Variants in ZKSCAN8 observed in about 807,000 individuals in gnomAD.
ZKSCAN8 encodes the protein zinc finger protein with KRAB and SCAN domains 8.
Under a neutral mutation model 57.2 loss-of-function variants are expected in ZKSCAN8, and 27 were observed. The ratio of observed to expected loss-of-function variants is 0.47; its 90% CI spans 0.35 to 0.65. The LOEUF (loss-of-function observed/expected upper bound fraction) is 0.65, where lower values mean the gene tolerates loss of function less well. Among genes scored for constraint, ZKSCAN8 ranks in the 30% least tolerant of loss-of-function variants. The pLI is 0.01. For missense variants in ZKSCAN8, 597 were observed against 696.3 expected, an observed-to-expected ratio of 0.86 and a Z score of 1.60; for synonymous variants, 214 against 248.7, an observed-to-expected ratio of 0.86 and a Z score of 1.31.
chr6:28,147,277 TATTAGTC>T (rs1197550133), intron 1 of ZKSCAN8, among the ~76,000 whole-genome samples: 3 of 152,040 alleles, frequency 2.0e-5, no homozygotes, highest in African/African-American at 4.8e-5. Flanking sequence ...TGCTCAACAT[TATTAGTC>T]AGTAGAGAAA....
At position 28,154,225 on chromosome 6, in the gene ZKSCAN8, T is replaced by C. The variant is rs914560795; in HGVS notation, c.*208T>C. 1.8e-5 allele frequency: 11 copies of C among 602,774 alleles called. No homozygotes were observed. The Admixed American group carries it at 2.1e-4, about 11-fold the overall frequency. 37.3% of individuals were successfully genotyped at this position (602,774 alleles called of 1,614,324 possible). On this transcript the variant is annotated 3_prime_UTR_variant, in exon 6 of 6. Transcript: ENST00000330236. ...TAGCTTGACTGTCTTTGAAAGTATC[T>C]GATGGAGCTCCTGATGACCTAATGT...
Position 28,149,614 on chromosome 6 carries a change from A to G in ZKSCAN8, c.549A>G (p.Ser183=). The G allele has an allele frequency of 6.2e-7, 1 of 1,613,978 alleles. No individual in the cohort carries two copies. The highest frequency in any genetic ancestry group is 2.2e-5 in the East Asian group (1 of 44,862). Reference sequence around the variant, plus strand: ...ATAAATCTCCAGTGCCCCAAGAGTCACAAGAGAGAGGTGAGTAGCCAGATT... The same window carrying G: ...ATAAATCTCCAGTGCCCCAAGAGTCGCAAGAGAGAGGTGAGTAGCCAGATT... ...TQHKSPVPQE[S]QERAMSTSQS... The change falls in exon 3 of 6, where the codon TCA becomes TCG. Residue 183 remains serine (S), a synonymous_variant. Transcript: ENST00000330236.
At chr6:28,141,855 C>G (rs2277103), upstream of ZKSCAN8, 2 of 152,580 alleles carry the variant, frequency 1.3e-5, no homozygotes, top group East Asian at 3.8e-4. Flanking sequence ...CCGGAAGTGC[C>G]TTTGGGGCAA....
intron 2 of ZKSCAN8, 43 bp from the exon 3 acceptor site, chr6:28,149,440 T>C (rs763327115): frequency 1.9e-6 from 3 of 1,609,424 alleles, no homozygotes; most frequent in Non-Finnish European, 2.5e-6. Flanking sequence ...TCATTACATT[T>C]CGCAAAGGGA....
intron 1 of ZKSCAN8, among the ~76,000 whole-genome samples, chr6:28,147,265 G>T (rs1484192632): frequency 6.6e-6 from 1 of 151,494 alleles, no homozygotes; most frequent in African/African-American, 2.4e-5. Flanking sequence ...CACATAAAAA[G>T]ATGCTCAACA....
rs11552219 is a variant in ZKSCAN8 at position 28,159,056 on chromosome 6, C to T, written c.*5039C>T. 0.23 allele frequency: 34,870 copies of T among 152,074 alleles called. 4,127 individuals carry two copies. Among genetic ancestry groups the T allele is most frequent in the African/African-American group, 0.28 (11,757 of 41,450 alleles). The allele number at this position is 152,074 out of a possible 1,614,324, so 9.4% of individuals were successfully genotyped here. The stretch of plus-strand genomic sequence containing the variant: ...CCTACAGCCTTCTACTGATGTCTTA[C>T]AAGCTCTTGCCTCTGTGCCTTTCTC... On this transcript the variant is annotated 3_prime_UTR_variant, in exon 6 of 6. Transcript: ENST00000330236.
Position 28,148,334 on chromosome 6 carries a change from G to A in ZKSCAN8, c.-74G>A, listed in dbSNP as rs1765469778. The A allele has an allele frequency of 4.1e-6, 6 of 1,458,084 alleles. No individual in the cohort carries two copies. Among genetic ancestry groups the A allele is most frequent in the Non-Finnish European group, 5.5e-6 (6 of 1,083,200 alleles). The allele number at this position is 1,458,084 out of a possible 1,614,324, so 90.3% of individuals were successfully genotyped here. A position where few individuals can be genotyped will look rare whatever the true frequency, so the allele number is the denominator to read the frequency against. The stretch of plus-strand genomic sequence containing the variant: ...CATGAAGAAGTACCCTTAGAAAGAG[G>A]CCCTCAGAAGAGTCTTCTCTTAAGA... On this transcript the variant is annotated 5_prime_UTR_variant, in exon 2 of 6. Transcript: ENST00000330236.
chr6:28,149,654 G>T (rs202204908), intron 3 of ZKSCAN8, 30 bp downstream of exon 3: 4 of 1,610,882 alleles, frequency 2.5e-6, no homozygotes, highest in Admixed American at 1.7e-5. Flanking sequence ...TGATGATAAG[G>T]GGGGGAAGTA....
rs1334905541 is a variant in ZKSCAN8 at position 28,155,674 on chromosome 6, T to A, written c.*1657T>A. Reference sequence around the variant, plus strand: ...TCATAATTTCACCCTGTGACTATCCTGAAAAGAAATAATAATCATTTTATG... The same window carrying A: ...TCATAATTTCACCCTGTGACTATCCAGAAAAGAAATAATAATCATTTTATG... On this transcript the variant is annotated 3_prime_UTR_variant, in exon 6 of 6. Transcript: ENST00000330236. 1 of 152,676 alleles carries A rather than the reference T, an allele frequency of 6.5e-6. No individual in the cohort carries two copies. The highest frequency in any genetic ancestry group is 1.5e-5 in the Non-Finnish European group (1 of 68,442). The allele number at this position is 152,676 out of a possible 1,614,324, so 9.5% of individuals were successfully genotyped here.
At position 28,154,961 on chromosome 6, in the gene ZKSCAN8, TA is replaced by T. The variant is rs1268139979; in HGVS notation, c.*945del. On this transcript the variant is annotated 3_prime_UTR_variant, in exon 6 of 6. Transcript: ENST00000330236. ...AGATGCTTTAGGAAGATAAAAACCT[TA>T]CAAAGAATGTATACTCATCTTTTTT... 6.6e-6 allele frequency: 1 copy of T among 152,618 alleles called. No individual in the cohort carries two copies. Among genetic ancestry groups the T allele is most frequent in the African/African-American group, 2.4e-5 (1 of 41,434 alleles). 9.5% of individuals were successfully genotyped at this position (152,618 alleles called of 1,614,324 possible).
chr6:28,145,425 C>G (rs1765360710), intron 1 of ZKSCAN8, among the ~76,000 whole-genome samples: 1 of 152,024 alleles, frequency 6.6e-6, no homozygotes, highest in Admixed American at 6.5e-5. Flanking sequence ...CATAAAGGGC[C>G]TTGCATACCA....
rs1242616704 is a variant in ZKSCAN8, at chr6:28,159,002, A to AT, written c.*4987dup. On this transcript the variant is annotated 3_prime_UTR_variant, in exon 6 of 6. Coordinates refer to ENST00000330236, the MANE Select transcript of ZKSCAN8 (RefSeq NM_006298.4). Reference sequence around the variant, plus strand: ...ATCAGCCTTCATTACTCTCTAGCATATTCACCTTGATTCAACAGATTCAAA... The same window carrying AT: ...ATCAGCCTTCATTACTCTCTAGCATATTTCACCTTGATTCAACAGATTCAAA... 2 of 152,156 alleles carry AT rather than the reference A, an allele frequency of 1.3e-5. No individual in the cohort carries two copies. Among genetic ancestry groups the AT allele is most frequent in the African/African-American group, 4.8e-5 (2 of 41,432 alleles). The allele number at this position is 152,156 out of a possible 1,614,324, so 9.4% of individuals were successfully genotyped here. A position where few individuals can be genotyped will look rare whatever the true frequency, so the allele number is the denominator to read the frequency against.
At chr6:28,151,306 T>G (rs1445166024) in intron 3 of ZKSCAN8, among the ~76,000 whole-genome samples, 1 of 152,192 alleles carries the variant, frequency 6.6e-6, no homozygotes, top group Non-Finnish European at 1.5e-5. Context: ...TAAATATGAA[T>G]TTTTAATATT....
At chr6:28,142,246 A>G (rs928533720) in intron 1 of ZKSCAN8, 3 of 152,188 alleles carry the variant, frequency 2.0e-5, no homozygotes, top group African/African-American at 2.4e-5. Flanking sequence ...AGCTTTCTTC[A>G]TAGATAATCG....
At chr6:28,147,042 ACAGT>A (rs1316475823) in intron 1 of ZKSCAN8, among the ~76,000 whole-genome samples, 8 of 152,088 alleles carry the variant, frequency 5.3e-5, no homozygotes, top group Non-Finnish European at 1.2e-4. Flanking sequence ...CATCAAAAGC[ACAGT>A]CAATTAAAAA....
chr6:28,150,071 C>G (rs1204637647), intron 3 of ZKSCAN8, among the ~76,000 whole-genome samples: 1 of 152,062 alleles, frequency 6.6e-6, no homozygotes, highest in African/African-American at 2.4e-5. Context: ...CTAAATTTAT[C>G]ACAATTAAGA....
In ZKSCAN8 at chr6:28,157,768, T is replaced by C. The variant is rs887040429; in HGVS notation, c.*3751T>C. Reference sequence around the variant, plus strand: ...ATATTTAACAGAGTAATTGGGAGGATAAAGCAATAATAAATTCAAATATAT... The same window carrying C: ...ATATTTAACAGAGTAATTGGGAGGACAAAGCAATAATAAATTCAAATATAT... On this transcript the variant is annotated 3_prime_UTR_variant, in exon 6 of 6. Transcript: ENST00000330236. 3 of 152,120 alleles carry C rather than the reference T, an allele frequency of 2.0e-5. No individual in the cohort carries two copies. The allele number at this position is 152,120 out of a possible 1,614,324, so 9.4% of individuals were successfully genotyped here.
intron 1 of ZKSCAN8, among the ~76,000 whole-genome samples, chr6:28,145,574 A>G (rs1175302131): frequency 6.6e-6 from 1 of 152,208 alleles, no homozygotes; most frequent in African/African-American, 2.4e-5. Flanking sequence ...GTTTAATAGA[A>G]TAGACACTTA....
chr6:28,147,699 T>C (rs1021581532), intron 1 of ZKSCAN8, among the ~76,000 whole-genome samples: 3 of 152,208 alleles, frequency 2.0e-5, no homozygotes, highest in Admixed American at 2.0e-4. Flanking sequence ...GTTGTAGTTG[T>C]CAATAGGGCA....
Sources: gnomAD v4.1 joint callset for allele counts (sites outside exome capture counted in the v4.1 genomes callset) on GRCh38, gnomAD v4.1.1 for gene constraint, MANE v1.5 for transcripts, NCBI Gene and HGNC (gene_info 2026-07-23, HGNC 2026-07-21) for gene names.